CPQ: variants seen among roughly 807,000 people sequenced by gnomAD.
CPQ encodes Ser-Met dipeptidase.
In CPQ, 37 loss-of-function variants were observed where a neutral mutation model predicts 45.7. That is an observed-to-expected ratio of 0.81 (90% CI 0.62 to 1.07). The LOEUF is 1.07. CPQ is among the 50% of genes least tolerant of loss of function. CPQ has a pLI of 0.00. For missense variants in CPQ, 537 were observed against 572.9 expected (o/e 0.94, Z 0.64); for synonymous variants, 186 against 205.8 (o/e 0.90, Z 0.82).
At chr8:96,951,160 A>G (rs902185548) in intron 4 of CPQ, among the ~76,000 whole-genome samples, 1 of 152,138 alleles carries the variant, frequency 6.6e-6, no homozygotes, top group Non-Finnish European at 1.5e-5. Context: ...TGGCATAAAA[A>G]AAACCCTGAT....
At chr8:96,662,854 G>T (rs1193253313) in intron 1 of CPQ, among the ~76,000 whole-genome samples, 1 of 152,038 alleles carries the variant, frequency 6.6e-6, no homozygotes, top group Non-Finnish European at 1.5e-5. Context: ...TGGGTGTGGT[G>T]TGGCACTCCT....
At chr8:97,093,843 G>A (rs989012629) in intron 7 of CPQ, among the ~76,000 whole-genome samples, 4 of 152,098 alleles carry the variant, frequency 2.6e-5, no homozygotes, top group Non-Finnish European at 4.4e-5. Context: ...TAAATCTAAA[G>A]TTTTGTCACA....
In CPQ at chr8:97,143,292, C is replaced by T; in HGVS notation, c.*109C>T. 2.0e-6 allele frequency: 2 copies of T among 998,250 alleles called. No homozygotes were observed. Among genetic ancestry groups the T allele is most frequent in the Non-Finnish European group, 3.0e-6 (2 of 672,498 alleles). 61.8% of individuals were successfully genotyped at this position (998,250 alleles called of 1,614,324 possible). A position where few individuals can be genotyped will look rare whatever the true frequency, so the allele number is the denominator to read the frequency against. ...TTTCATCCAATTCATCTTCAAAGCA[C>T]AACTCTATTTCATGCTTTCTGTTAT... On this transcript the variant is annotated 3_prime_UTR_variant, in exon 8 of 8. Coordinates refer to ENST00000220763, the MANE Select transcript of CPQ (RefSeq NM_016134.4).
chr8:96,880,550 T>TACC (rs1224477213), intron 4 of CPQ, among the ~76,000 whole-genome samples: 3 of 29,632 alleles, frequency 1.0e-4, no homozygotes, highest in South Asian at 1.6e-3. Flanking sequence ...TATATATATA[T>TACC]ATATATATAT....
At position 97,029,404 on chromosome 8, in the gene CPQ, G is replaced by T. The variant is rs202163511; in HGVS notation, c.963G>T (p.Gly321=). The stretch of plus-strand genomic sequence containing the variant: ...TTTTTTATTTTATTATTTTCCCAGG[G>T]CTGCGTCCAAAGAGGACTCTGCGGC... ...WEALSLIKDL[G]LRPKRTLRLV... The change falls in exon 6 of 8, where the codon GGG becomes GGT. Residue 321 remains glycine (G), a splice_region_variant and synonymous_variant. Transcript: ENST00000220763. 9 of 1,601,028 alleles carry T rather than the reference G, an allele frequency of 5.6e-6. No individual in the cohort carries two copies. The highest frequency in any genetic ancestry group is 6.8e-6 in the Non-Finnish European group (8 of 1,172,786).
At chr8:96,999,051 G>A (rs952266893) in intron 5 of CPQ, among the ~76,000 whole-genome samples, 1 of 151,852 alleles carries the variant, frequency 6.6e-6, no homozygotes, top group Non-Finnish European at 1.5e-5. Context: ...ATGTCCCCAT[G>A]AGGCTGGTAT....
At chr8:97,107,703 G>A (rs1280074471) in intron 7 of CPQ, among the ~76,000 whole-genome samples, 1 of 152,130 alleles carries the variant, frequency 6.6e-6, no homozygotes, top group Non-Finnish European at 1.5e-5. Flanking sequence ...TATGGCTGGA[G>A]AAGGGCCAGA....
intron 1 of CPQ, among the ~76,000 whole-genome samples, chr8:96,709,146 T>C (rs372350934): frequency 3.3e-5 from 5 of 152,166 alleles, no homozygotes; most frequent in African/African-American, 1.2e-4. Flanking sequence ...AGTGGTTTTG[T>C]TTACATGAAT....
At chr8:96,737,254 CAA>C (rs771592276) in intron 1 of CPQ, among the ~76,000 whole-genome samples, 11 of 124,806 alleles carry the variant, frequency 8.8e-5, no homozygotes, top group African/African-American at 3.7e-4. Context: ...CACACACACA[CAA>C]AAAAAAACTA....
intron 5 of CPQ, among the ~76,000 whole-genome samples, chr8:97,026,013 A>G (rs1809793463): frequency 6.6e-6 from 1 of 152,140 alleles, no homozygotes; most frequent in African/African-American, 2.4e-5. Context: ...TTGTACTGAA[A>G]GAAGTTATGT....
At chr8:96,963,816 C>T (rs1813504764) in intron 4 of CPQ, among the ~76,000 whole-genome samples, 1 of 152,128 alleles carries the variant, frequency 6.6e-6, no homozygotes, top group African/African-American at 2.4e-5. Context: ...AAAAGGTTTC[C>T]TCTACCCCCT....
chr8:96,797,470 G>A lies in CPQ; in HGVS notation c.433+12140G>A, dbSNP rs35244588. On this transcript the variant is annotated intron_variant, in intron 2 of 7. Coordinates refer to ENST00000220763, the MANE Select transcript of CPQ (RefSeq NM_016134.4). ...TATAGTACAAGTAACACTACCAATA[G>A]CATTGTGGTCCTCTGTGGTTATAGG... is the stretch of plus-strand genomic sequence containing the variant. Among the ~76,000 whole-genome samples, 1,296 of 152,266 alleles carry A rather than the reference G, an allele frequency of 8.5e-3. 10 individuals are homozygous for A. The highest frequency in any genetic ancestry group is 0.014 in the Non-Finnish European group (937 of 68,004).
At chr8:96,859,521 G>A (rs968930279) in intron 3 of CPQ, among the ~76,000 whole-genome samples, 1 of 152,108 alleles carries the variant, frequency 6.6e-6, no homozygotes, top group African/African-American at 2.4e-5. Flanking sequence ...GCCAGCTTAG[G>A]GTGGCAAGTG....
At chr8:96,834,387 G>A (rs1811497855) in intron 2 of CPQ, among the ~76,000 whole-genome samples, 2 of 152,178 alleles carry the variant, frequency 1.3e-5, no homozygotes, top group African/African-American at 2.4e-5. Flanking sequence ...CTTTAAGAAT[G>A]TTTCTATGCA....
rs577527421 is a variant in CPQ at position 97,125,040 on chromosome 8, C to T, written c.1256-17980C>T. Among the ~76,000 whole-genome samples, 16 of 152,168 alleles carry T rather than the reference C, an allele frequency of 1.1e-4. No homozygotes were observed. The South Asian group carries it at 2.7e-3, about 26-fold the overall frequency. On this transcript the variant is annotated intron_variant, in intron 7 of 7. Coordinates refer to ENST00000220763, the MANE Select transcript of CPQ (RefSeq NM_016134.4). ...GTCAAGAAAAAAGAGAAGATGCAAACTGGCAATCTCAGGTGTGAAACAGGA... is the reference window on the plus strand; with the variant it reads ...GTCAAGAAAAAAGAGAAGATGCAAATTGGCAATCTCAGGTGTGAAACAGGA...
At chr8:96,813,855 C>G (rs1293396234) in intron 2 of CPQ, among the ~76,000 whole-genome samples, 1 of 152,064 alleles carries the variant, frequency 6.6e-6, no homozygotes, top group Admixed American at 6.5e-5. Flanking sequence ...ATTTTGACAC[C>G]TGGGCAGGAC....
intron 5 of CPQ, among the ~76,000 whole-genome samples, chr8:96,967,378 G>A (rs1160917479): frequency 1.3e-5 from 2 of 152,080 alleles, no homozygotes; most frequent in Non-Finnish European, 2.9e-5. Context: ...GAATGCTCTG[G>A]ACTTCATTTT....
At chr8:96,711,823 G>A (rs1809611926) in intron 1 of CPQ, among the ~76,000 whole-genome samples, 2 of 152,058 alleles carry the variant, frequency 1.3e-5, no homozygotes, top group Admixed American at 1.3e-4. Flanking sequence ...CAAATCTCAT[G>A]TCCACATATT....
At chr8:97,142,080 A>T (rs1812177207) in intron 7 of CPQ, among the ~76,000 whole-genome samples, 1 of 152,146 alleles carries the variant, frequency 6.6e-6, no homozygotes, top group African/African-American at 2.4e-5. Context: ...GGTTTCCAAG[A>T]TACTGGTGAT....
Sources: gnomAD v4.1 joint callset for allele counts (sites outside exome capture counted in the v4.1 genomes callset) on GRCh38, gnomAD v4.1.1 for gene constraint, MANE v1.5 for transcripts, NCBI Gene and HGNC (gene_info 2026-07-23, HGNC 2026-07-21) for gene names.